Variants in RAB11FIP4 observed in about 807,000 individuals in gnomAD.
RAB11FIP4 encodes RAB11 family interacting protein 4.
In RAB11FIP4, 23 loss-of-function variants were observed where a neutral mutation model predicts 74.3. The observed-to-expected ratio is 0.31, with a 90% CI of 0.22 to 0.44. The LOEUF (loss-of-function observed/expected upper bound fraction) is 0.44. Among genes scored for constraint, RAB11FIP4 ranks in the 20% least tolerant of loss-of-function variants. The pLI is 1.00. For missense variants in RAB11FIP4, 630 were observed against 863.9 expected, an observed-to-expected ratio of 0.73 and a Z score of 3.39; for synonymous variants, 360 against 359.9, an observed-to-expected ratio of 1.00 and a Z score of 0.00.
intron 3 of RAB11FIP4, among the ~76,000 whole-genome samples, chr17:31,445,560 ATATATATATATATATATATTTT>A (rs2071449050): frequency 2.3e-3 from 33 of 14,472 alleles, no homozygotes; most frequent in South Asian, 0.01. Context: ...ATATATATAT[ATATATATATATATATATATTTT>A]TTTTTTTTTT....
At chr17:31,483,928 G>T (rs1161483469) in intron 3 of RAB11FIP4, among the ~76,000 whole-genome samples, 1 of 152,098 alleles carries the variant, frequency 6.6e-6, no homozygotes, top group Non-Finnish European at 1.5e-5. Context: ...ACACAGAGAG[G>T]CCAGGCATGG....
intron 1 of RAB11FIP4, among the ~76,000 whole-genome samples, chr17:31,427,176 G>A (rs567114792): frequency 2.0e-5 from 3 of 152,256 alleles, no homozygotes; most frequent in Admixed American, 2.0e-4. Context: ...GGCCAGGCTG[G>A]TCTCGAACTC....
chr17:31,432,132 C>T (rs532677582), intron 2 of RAB11FIP4, among the ~76,000 whole-genome samples: 2 of 152,306 alleles, frequency 1.3e-5, no homozygotes, highest in East Asian at 3.9e-4. Flanking sequence ...TGCCCTTCCC[C>T]TTGTCTGCCC....
At chr17:31,421,916 A>G (rs1016983251) in intron 1 of RAB11FIP4, among the ~76,000 whole-genome samples, 15 of 152,122 alleles carry the variant, frequency 9.9e-5, no homozygotes, top group Non-Finnish European at 2.1e-4. Context: ...TCTGTGGCTC[A>G]TGCCTGTAAT....
chr17:31,392,724 T>C (rs1182886364), intron 1 of RAB11FIP4: 2 of 152,114 alleles, frequency 1.3e-5, no homozygotes, highest in Non-Finnish European at 2.9e-5. Context: ...AAGCGGAGGG[T>C]CGGTGCCGCC....
intron 3 of RAB11FIP4, among the ~76,000 whole-genome samples, chr17:31,505,387 C>CAAT (rs1200123790): frequency 2.5e-5 from 3 of 117,824 alleles, no homozygotes; most frequent in Admixed American, 1.2e-4. Context: ...CTTATTCCAT[C>CAAT]AGTAATAATA....
At chr17:31,483,017 ACCCCGTC>A (rs2071864495) in intron 3 of RAB11FIP4, among the ~76,000 whole-genome samples, 1 of 151,670 alleles carries the variant, frequency 6.6e-6, no homozygotes, top group Admixed American at 6.6e-5. Flanking sequence ...ACATGGTGAA[ACCCCGTC>A]TCTACTAAAA....
At chr17:31,402,235 AC>A (rs1567643484) in intron 1 of RAB11FIP4, among the ~76,000 whole-genome samples, 1 of 150,146 alleles carries the variant, frequency 6.7e-6, no homozygotes, top group Non-Finnish European at 1.5e-5. Flanking sequence ...CCATCCACCC[AC>A]CATCTACCAC....
chr17:31,525,604 G>C (rs1223399880), intron 10 of RAB11FIP4: 1 of 227,308 alleles, frequency 4.4e-6, no homozygotes, highest in African/African-American at 2.3e-5. Flanking sequence ...GGAAAACCCG[G>C]CTCCTGTGCC....
At chr17:31,505,790 C>G (rs547401953) in intron 3 of RAB11FIP4, among the ~76,000 whole-genome samples, 11 of 142,806 alleles carry the variant, frequency 7.7e-5, no homozygotes, top group Non-Finnish European at 7.5e-5. Context: ...ACTGTATCCT[C>G]GAACTCGTGG....
chr17:31,495,317 C>A (rs998417159), intron 3 of RAB11FIP4, among the ~76,000 whole-genome samples: 1 of 151,706 alleles, frequency 6.6e-6, no homozygotes, highest in African/African-American at 2.4e-5. Flanking sequence ...GCTGGCTAGC[C>A]TGGCCTAGCC....
Position 31,505,468 on chromosome 17 carries a change from A to AATAATAAATAATAATTATTATAACAT in RAB11FIP4, c.337-12176_337-12175insATAATAATTATTATAACATATAATAA, listed in dbSNP as rs1413581263. Among the ~76,000 whole-genome samples, 52 of 75,138 alleles carry AATAATAAATAATAATTATTATAACAT rather than the reference A, an allele frequency of 6.9e-4. 1 individual carries two copies. Among genetic ancestry groups the AATAATAAATAATAATTATTATAACAT allele is most frequent in the African/African-American group, 2.2e-3 (50 of 22,492 alleles). 49.3% of individuals were successfully genotyped at this position (75,138 alleles called of 152,430 possible). On this transcript the variant is annotated intron_variant, in intron 3 of 14. Coordinates refer to ENST00000621161, the MANE Select transcript of RAB11FIP4 (RefSeq NM_032932.6). ...ATATATAATAATTATTATAACATAT[A>AATAATAAATAATAATTATTATAACAT]ATAATAATTATAATATATAATATAT...
intron 1 of RAB11FIP4, among the ~76,000 whole-genome samples, chr17:31,413,046 T>C (rs1180276020): frequency 6.6e-6 from 1 of 152,242 alleles, no homozygotes; most frequent in East Asian, 1.9e-4. Context: ...TATTTTGCTT[T>C]GTTTCTGTAG....
intron 1 of RAB11FIP4, among the ~76,000 whole-genome samples, chr17:31,412,407 C>T (rs552442469): frequency 2.2e-4 from 34 of 152,306 alleles, no homozygotes; most frequent in African/African-American, 7.9e-4. Context: ...GGAAAGCCTC[C>T]GGGTAAAAAT....
Position 31,398,797 on chromosome 17 carries a change from G to A in RAB11FIP4, c.159+6786G>A, listed in dbSNP as rs117664918. On this transcript the variant is annotated intron_variant, in intron 1 of 14. Transcript: ENST00000621161. ...GAAAGGACCGGACAGAGGGAGGAGA[G>A]GCTGGGCCAGGAGATTCCTGTGTGC... Among the ~76,000 whole-genome samples the A allele has an allele frequency of 5.2e-4, 79 of 152,352 alleles. 1 individual carries two copies. In the East Asian group the frequency reaches 0.015, roughly 28 times the overall value.
chr17:31,441,189 T>C (rs1017767095), intron 3 of RAB11FIP4, among the ~76,000 whole-genome samples: 1 of 152,098 alleles, frequency 6.6e-6, no homozygotes, highest in Admixed American at 6.5e-5. Context: ...CATGCCCGGC[T>C]AATTTTTTGT....
At chr17:31,502,780 G>A (rs1364772586) in intron 3 of RAB11FIP4, among the ~76,000 whole-genome samples, 2 of 152,102 alleles carry the variant, frequency 1.3e-5, no homozygotes, top group Non-Finnish European at 2.9e-5. Flanking sequence ...CAGACTGCGT[G>A]GCGTAAACAA....
chr17:31,401,840 T>G (rs981326396), intron 1 of RAB11FIP4, among the ~76,000 whole-genome samples: 3 of 152,228 alleles, frequency 2.0e-5, no homozygotes, highest in Non-Finnish European at 4.4e-5. Context: ...AGGGACGCGC[T>G]GCCTCCCAAG....
chr17:31,434,152 A>G (rs763486952), intron 3 of RAB11FIP4, 30 bp downstream of exon 3: 20 of 1,522,780 alleles, frequency 1.3e-5, no homozygotes, highest in South Asian at 1.2e-4. Flanking sequence ...AAGGACCTCC[A>G]TGGCTCTGCC....
Sources: gnomAD v4.1 joint callset for allele counts (sites outside exome capture counted in the v4.1 genomes callset) on GRCh38, gnomAD v4.1.1 for gene constraint, MANE v1.5 for transcripts, NCBI Gene and HGNC (gene_info 2026-07-23, HGNC 2026-07-21) for gene names.